RNF152: variants seen among roughly 807,000 people sequenced by gnomAD.
The protein encoded by RNF152 is E3 ubiquitin-protein ligase RNF152.
A neutral mutation model predicts 12.7 loss-of-function variants in RNF152; 11 were observed. The observed-to-expected ratio is 0.86, with a 90% CI of 0.54 to 1.43. RNF152 has a LOEUF of 1.43. Among genes scored for constraint, RNF152 ranks in the 40% most tolerant of loss-of-function variants. RNF152 has a pLI of 0.00. For missense variants in RNF152, 255 were observed against 274.8 expected, an observed-to-expected ratio of 0.93 and a Z score of 0.51; for synonymous variants, 113 against 120.3, an observed-to-expected ratio of 0.94 and a Z score of 0.40.
At chr18:61,847,933 T>C (rs1210169504) in intron 1 of RNF152, among the ~76,000 whole-genome samples, 1 of 152,172 alleles carries the variant, frequency 6.6e-6, no homozygotes, top group Non-Finnish European at 1.5e-5. Context: ...ACTGCCTTTT[T>C]ACACATTGCA....
At chr18:61,820,201 C>A (rs1270023215) in intron 1 of RNF152, among the ~76,000 whole-genome samples, 3 of 150,654 alleles carry the variant, frequency 2.0e-5, no homozygotes, top group East Asian at 3.9e-4. Flanking sequence ...TGGTGGCGGA[C>A]GCCTGTAGTC....
chr18:61,836,089 T>C (rs990052275), intron 1 of RNF152, among the ~76,000 whole-genome samples: 2 of 152,226 alleles, frequency 1.3e-5, no homozygotes, highest in Admixed American at 1.3e-4. Flanking sequence ...CTAGTAACAA[T>C]GAGCACACTT....
At chr18:61,883,376 T>G (rs1022374668) in intron 1 of RNF152, among the ~76,000 whole-genome samples, 2 of 152,236 alleles carry the variant, frequency 1.3e-5, no homozygotes, top group Admixed American at 1.3e-4. Flanking sequence ...TATTAAACAG[T>G]TCTCTTCTTT....
At chr18:61,840,299 C>T (rs545143097) in intron 1 of RNF152, among the ~76,000 whole-genome samples, 1 of 152,314 alleles carries the variant, frequency 6.6e-6, no homozygotes, top group Non-Finnish European at 1.5e-5. Context: ...TGGTATTTTG[C>T]TATAGCAGCC....
At position 61,816,427 on chromosome 18, in the gene RNF152, G is replaced by A; in HGVS notation, c.37C>T (p.Gln13Ter). Residue 13 changes from glutamine (Q) to a stop codon, truncating the protein, a stop_gained, in exon 2 of 2, where the codon CAG becomes TAG. Coordinates refer to ENST00000312828, the MANE Select transcript of RNF152 (RefSeq NM_173557.3). LOFTEE classifies it high-confidence loss of function. ...GGGCTGTAGTAATTGAAACAGATCT[G>A]ACATTCCAGCAGAGAGTCCTGGGAC... ...TLSQDSLLEC[Q>*]ICFNYYSPRR... The A allele has an allele frequency of 1.2e-6, 2 of 1,611,290 alleles. No homozygotes were observed. Among genetic ancestry groups the A allele is most frequent in the Non-Finnish European group, 1.7e-6 (2 of 1,177,888 alleles).
intron 1 of RNF152, among the ~76,000 whole-genome samples, chr18:61,834,960 AACGTTCCCTGG>A (rs1393662922): frequency 6.6e-6 from 1 of 152,212 alleles, no homozygotes; most frequent in East Asian, 1.9e-4. Context: ...GCAAAAAGGC[AACGTTCCCTGG>A]GTGATTCCAA....
chr18:61,892,001 A>C (rs974100822), intron 1 of RNF152, among the ~76,000 whole-genome samples: 29 of 152,348 alleles, frequency 1.9e-4, no homozygotes, highest in African/African-American at 6.5e-4. Context: ...CTAATGCCGG[A>C]GTGTCCTGCT....
In RNF152 at chr18:61,815,842, G is replaced by A; in HGVS notation, c.*10C>T. 1 of 1,610,538 alleles carries A rather than the reference G, an allele frequency of 6.2e-7. No homozygotes were observed. The highest frequency in any genetic ancestry group is 8.5e-7 in the Non-Finnish European group (1 of 1,177,134). On this transcript the variant is annotated 3_prime_UTR_variant, in exon 2 of 2. Transcript: ENST00000312828. ...GTTGGCACCCACAAGAGACTTCCCT[G>A]CAGCCCTCTTCAGCCACAGGATATC...
At chr18:61,880,307 T>C (rs1485885899) in intron 1 of RNF152, among the ~76,000 whole-genome samples, 2 of 152,176 alleles carry the variant, frequency 1.3e-5, no homozygotes, top group East Asian at 3.9e-4. Context: ...CCGCAAAGAA[T>C]TCAGATCTCT....
chr18:61,878,030 C>G (rs1302776962), intron 1 of RNF152, among the ~76,000 whole-genome samples: 1 of 152,198 alleles, frequency 6.6e-6, no homozygotes, highest in African/African-American at 2.4e-5. Context: ...GACTTCTCCC[C>G]TGGACTCTTG....
intron 1 of RNF152, among the ~76,000 whole-genome samples, chr18:61,853,226 T>C (rs1041828294): frequency 2.0e-5 from 3 of 151,826 alleles, no homozygotes; most frequent in Non-Finnish European, 2.9e-5. Flanking sequence ...GGTCTCCTCA[T>C]GCTAAAGCGA....
intron 1 of RNF152, among the ~76,000 whole-genome samples, chr18:61,883,290 A>G (rs1912545050): frequency 6.6e-6 from 1 of 152,160 alleles, no homozygotes; most frequent in South Asian, 2.1e-4. Flanking sequence ...CCAAGCGGCT[A>G]CCCCTTTTTA....
intron 1 of RNF152, among the ~76,000 whole-genome samples, chr18:61,846,565 C>T (rs755186907): frequency 3.3e-5 from 5 of 152,164 alleles, no homozygotes; most frequent in Non-Finnish European, 7.3e-5. Flanking sequence ...AGCACTTACT[C>T]CTTCCTTTCC....
Position 61,820,554 on chromosome 18 carries a change from C to T in RNF152, c.-135-3956G>A, listed in dbSNP as rs146177123. Among the ~76,000 whole-genome samples, 59 of 152,000 alleles carry T rather than the reference C, an allele frequency of 3.9e-4. No homozygotes were observed. In the East Asian group the frequency reaches 0.011, roughly 28 times the overall value. ...TGTGCCTGCGGGGAAGGATTGCTCA[C>T]GTTGAGCTACGGGTGGGTAGGAACA... On this transcript the variant is annotated intron_variant, in intron 1 of 1. Coordinates refer to ENST00000312828, the MANE Select transcript of RNF152 (RefSeq NM_173557.3).
rs1032759253 is a variant in RNF152, at chr18:61,815,589, G to A, written c.*263C>T. On this transcript the variant is annotated 3_prime_UTR_variant, in exon 2 of 2. Coordinates refer to ENST00000312828, the MANE Select transcript of RNF152 (RefSeq NM_173557.3). ...TGATTTTGAAAAATCATAAATTACA[G>A]TCCATTGAATACATGATTATGAGGA... The A allele has an allele frequency of 6.8e-6, 3 of 443,292 alleles. No homozygotes were observed. The highest frequency in any genetic ancestry group is 1.2e-5 in the Non-Finnish European group (3 of 246,698). The allele number at this position is 443,292 out of a possible 1,614,324, so 27.5% of individuals were successfully genotyped here.
rs1479438476 is a variant in RNF152 at position 61,812,366 on chromosome 18, A to G, written c.*3486T>C. 6.6e-6 allele frequency: 1 copy of G among 152,192 alleles called. No homozygotes were observed. Among genetic ancestry groups the G allele is most frequent in the African/African-American group, 2.4e-5 (1 of 41,454 alleles). The allele number at this position is 152,192 out of a possible 1,614,324, so 9.4% of individuals were successfully genotyped here. On this transcript the variant is annotated 3_prime_UTR_variant, in exon 2 of 2. Coordinates refer to ENST00000312828, the MANE Select transcript of RNF152 (RefSeq NM_173557.3). ...ACAGTGCCAATCTAGAAGATCTCAC[A>G]GGTTATACCATCACATGGTTTAACC... is the stretch of plus-strand genomic sequence containing the variant.
intron 1 of RNF152, among the ~76,000 whole-genome samples, chr18:61,839,684 G>A (rs10782066): frequency 0.37 from 56,309 of 151,676 alleles, 11,606 homozygotes; most frequent in Non-Finnish European, 0.48. Flanking sequence ...TCACAAGGTC[G>A]GGAGATCGAG....
At chr18:61,888,488 A>G (rs993553195) in intron 1 of RNF152, 1 of 152,250 alleles carries the variant, frequency 6.6e-6, no homozygotes, top group East Asian at 1.9e-4. Context: ...CTTTCAATAC[A>G]GTATTCAATA....
At chr18:61,825,176 C>G (rs990599090) in intron 1 of RNF152, among the ~76,000 whole-genome samples, 1 of 152,140 alleles carries the variant, frequency 6.6e-6, no homozygotes, top group East Asian at 1.9e-4. Flanking sequence ...AAGGAACCGG[C>G]GTTGCCATGG....
Sources: allele counts gnomAD v4.1 joint callset (sites outside exome capture counted in the v4.1 genomes callset), GRCh38; gene constraint gnomAD v4.1.1; transcripts MANE v1.5; gene names NCBI Gene and HGNC (gene_info 2026-07-23, HGNC 2026-07-21).